PEPD: variants seen among roughly 807,000 people sequenced by gnomAD.
The protein encoded by PEPD is peptidase D.
In PEPD, 53 loss-of-function variants were observed where a neutral mutation model predicts 60.7. The observed-to-expected ratio is 0.87, with a 90% CI of 0.70 to 1.10. The LOEUF (loss-of-function observed/expected upper bound fraction) is 1.10. PEPD is among the 50% of genes least tolerant of loss of function. PEPD has a pLI of 0.00. For synonymous variants in PEPD, 267 were observed against 284.1 expected, an observed-to-expected ratio of 0.94 and a Z score of 0.60; for missense variants, 711 against 711.9, an observed-to-expected ratio of 1.00 and a Z score of 0.01.
chr19:33,415,896 T>C (rs1600098007), intron 9 of PEPD, among the ~76,000 whole-genome samples: 1 of 152,358 alleles, frequency 6.6e-6, no homozygotes, highest in Middle Eastern at 3.4e-3. Context: ...TCCTGAATTT[T>C]GTTTTAAATG....
chr19:33,514,304 C>A (rs909294257), intron 1 of PEPD, among the ~76,000 whole-genome samples: 2 of 152,094 alleles, frequency 1.3e-5, no homozygotes, highest in South Asian at 4.1e-4. Context: ...GTGGATGAAA[C>A]CTGCCCTCAC....
intron 12 of PEPD, among the ~76,000 whole-genome samples, chr19:33,395,807 T>A (rs8101286): frequency 0.6 from 91,901 of 152,178 alleles, 28,229 homozygotes; most frequent in African/African-American, 0.71. Context: ...GATGGATGGG[T>A]GTGAGCCAGG....
chr19:33,437,723 A>T lies in PEPD; in HGVS notation c.672-24080T>A, dbSNP rs149722618. 1.2e-3 allele frequency among the ~76,000 whole-genome samples: 181 copies of T among 152,328 alleles called. 1 individual carries two copies. The highest frequency in any genetic ancestry group is 3.9e-3 in the African/African-American group (161 of 41,578). On this transcript the variant is annotated intron_variant, in intron 9 of 14. Coordinates refer to ENST00000244137, the MANE Select transcript of PEPD (RefSeq NM_000285.4). ...TGGAATAAATCCAACCAAACTGCCC[A>T]CCACAGGTAAGTAGGTGGTGTCATT...
At chr19:33,421,666 A>G (rs1011191465) in intron 9 of PEPD, among the ~76,000 whole-genome samples, 2 of 151,212 alleles carry the variant, frequency 1.3e-5, no homozygotes, top group African/African-American at 4.9e-5. Flanking sequence ...AATTTTTTTT[A>G]TATGTTTTGT....
intron 3 of PEPD, among the ~76,000 whole-genome samples, chr19:33,505,917 TCA>T (rs1970793060): frequency 8.3e-6 from 1 of 121,048 alleles, no homozygotes; most frequent in Admixed American, 8.6e-5. Flanking sequence ...CATACCCTCA[TCA>T]CAAACACCCT....
chr19:33,448,888 C>T (rs1969643296), intron 9 of PEPD, among the ~76,000 whole-genome samples: 2 of 152,350 alleles, frequency 1.3e-5, no homozygotes, highest in African/African-American at 4.8e-5. Flanking sequence ...ATACCTATTG[C>T]CTGGGCCAAA....
At chr19:33,476,396 CT>C (rs1308952062) in intron 7 of PEPD, among the ~76,000 whole-genome samples, 1 of 152,188 alleles carries the variant, frequency 6.6e-6, no homozygotes, top group African/African-American at 2.4e-5. Flanking sequence ...GTATCTGGCC[CT>C]CCCAGTTGTC....
At position 33,463,009 on chromosome 19, in the gene PEPD, T is replaced by A. The variant is rs755261014; in HGVS notation, c.657A>T (p.Glu219Asp). ...VMKAVKVGMKEYELESLFEHY... is the reference protein window; with the variant it reads ...VMKAVKVGMKDYELESLFEHY... ...TGGTGGCTTACCTTTCCAACTCATATTCTTTCATTCCCACTTTTACAGCCT... is the reference window on the plus strand; with the variant it reads ...TGGTGGCTTACCTTTCCAACTCATAATCTTTCATTCCCACTTTTACAGCCT... The change falls in exon 9 of 15, where the codon GAA becomes GAT. Residue 219 changes from glutamate (E) to aspartate (D), a missense_variant. Transcript: ENST00000244137. 4 of 1,599,718 alleles carry A rather than the reference T, an allele frequency of 2.5e-6. No individual in the cohort carries two copies. The highest frequency in any genetic ancestry group is 2.6e-6 in the Non-Finnish European group (3 of 1,166,836).
Position 33,511,463 on chromosome 19 carries a change from G to A in PEPD, c.202-308C>T, listed in dbSNP as rs374684982. Reference sequence around the variant, plus strand: ...AACAGGGCGTCCAGCAGCACCACACGTCCAGCTCAACCCTGCCTCTCTGCC... The same window carrying A: ...AACAGGGCGTCCAGCAGCACCACACATCCAGCTCAACCCTGCCTCTCTGCC... On this transcript the variant is annotated intron_variant, in intron 2 of 14. Coordinates refer to ENST00000244137, the MANE Select transcript of PEPD (RefSeq NM_000285.4). 5.1e-5 allele frequency: 20 copies of A among 393,432 alleles called. 2 individuals carry two copies. Among genetic ancestry groups the A allele is most frequent in the African/African-American group, 3.5e-4 (17 of 48,140 alleles). 24.4% of individuals were successfully genotyped at this position (393,432 alleles called of 1,614,324 possible).
intron 2 of PEPD, chr19:33,511,658 T>C (rs1294309746): frequency 9.7e-6 from 2 of 206,818 alleles, no homozygotes; most frequent in Non-Finnish European, 2.0e-5. Context: ...CATAAAGGTA[T>C]GGTGGAGGAG....
chr19:33,449,108 G>T (rs1418548759), intron 9 of PEPD, among the ~76,000 whole-genome samples: 2 of 152,216 alleles, frequency 1.3e-5, no homozygotes, highest in East Asian at 3.9e-4. Context: ...CAGCAAATGG[G>T]GGTGTGGCCA....
chr19:33,484,771 C>T (rs767003540), intron 6 of PEPD, among the ~76,000 whole-genome samples: 18 of 152,142 alleles, frequency 1.2e-4, no homozygotes, highest in Non-Finnish European at 4.4e-5. Flanking sequence ...GACACACACA[C>T]ACACACTCAG....
chr19:33,487,319 G>A (rs938189371), intron 6 of PEPD: 14 of 152,480 alleles, frequency 9.2e-5, no homozygotes, highest in African/African-American at 2.9e-4. Context: ...GCAAAGGCTG[G>A]GGCCCCATGT....
chr19:33,387,561 A>AC, intron 14 of PEPD, 80 bp from the exon 15 acceptor site: 1 of 1,562,564 alleles, frequency 6.4e-7, no homozygotes, highest in South Asian at 1.1e-5. Context: ...TTCCAGGCCC[A>AC]CCCCACCATG....
chr19:33,506,827 C>T (rs2145346168), intron 3 of PEPD, among the ~76,000 whole-genome samples: 1 of 150,332 alleles, frequency 6.7e-6, no homozygotes, highest in South Asian at 2.2e-4. Context: ...CAAAACACAG[C>T]ACACGCACAC....
At chr19:33,450,152 T>A (rs961159242) in intron 9 of PEPD, among the ~76,000 whole-genome samples, 1 of 152,254 alleles carries the variant, frequency 6.6e-6, no homozygotes, top group African/African-American at 2.4e-5. Context: ...ACACACCCGA[T>A]GTGAACTTTA....
chr19:33,442,408 A>G (rs1308500359), intron 9 of PEPD, among the ~76,000 whole-genome samples: 1 of 89,334 alleles, frequency 1.1e-5, no homozygotes, highest in Middle Eastern at 4.5e-3. Flanking sequence ...CTCTGTCTCA[A>G]AAAAAAAAAA....
At chr19:33,493,080 T>C (rs1455277946) in intron 5 of PEPD, among the ~76,000 whole-genome samples, 1 of 152,202 alleles carries the variant, frequency 6.6e-6, no homozygotes, top group African/African-American at 2.4e-5. Context: ...TCTTGCCATG[T>C]TGCCCAGGCT....
At chr19:33,484,711 T>C (rs1470520584) in intron 6 of PEPD, among the ~76,000 whole-genome samples, 1 of 151,932 alleles carries the variant, frequency 6.6e-6, no homozygotes, top group Non-Finnish European at 1.5e-5. Context: ...CACCCTGATA[T>C]ACACACATAC....
Sources: allele counts gnomAD v4.1 joint callset (sites outside exome capture counted in the v4.1 genomes callset), GRCh38; gene constraint gnomAD v4.1.1; transcripts MANE v1.5; gene names NCBI Gene and HGNC (gene_info 2026-07-23, HGNC 2026-07-21).